The following ACTC1 variants were observed in gnomAD, a reference collection of about 807,000 sequenced individuals.
The protein encoded by ACTC1 is actin alpha cardiac muscle 1.
A neutral mutation model predicts 31.6 loss-of-function variants in ACTC1; 10 were observed. The ratio of observed to expected loss-of-function variants is 0.32; its 90% confidence interval spans 0.19 to 0.54. The LOEUF (loss-of-function observed/expected upper bound fraction) is 0.54. ACTC1 is among the 20% of genes least tolerant of loss of function. ACTC1 has a pLI of 0.95. For synonymous variants in ACTC1, 196 were observed against 185.0 expected, an observed-to-expected ratio of 1.06 and a Z score of -0.48; for missense variants, 129 against 506.4, an observed-to-expected ratio of 0.25 and a Z score of 7.15.
At position 34,791,349 on chromosome 15, in the gene ACTC1, A is replaced by T. The variant is rs899704796; in HGVS notation, c.809-54T>A. On this transcript the variant is annotated intron_variant, in intron 5 of 6. Coordinates refer to ENST00000290378, the MANE Select transcript of ACTC1 (RefSeq NM_005159.5). Reference sequence around the variant, plus strand: ...CACACACACACACACACACACACACACACATCACAGTGCATTCAGGTCAAG... The same window carrying T: ...CACACACACACACACACACACACACTCACATCACAGTGCATTCAGGTCAAG... The T allele has an allele frequency of 1.5e-4, 215 of 1,393,000 alleles. 1 individual carries two copies. The African/African-American group carries it at 2.5e-3, about 16-fold the overall frequency. 86.3% of individuals were successfully genotyped at this position (1,393,000 alleles called of 1,614,324 possible).
At chr15:34,790,765 TA>T in intron 6 of ACTC1, among the ~76,000 whole-genome samples, 1 of 152,358 alleles carries the variant, frequency 6.6e-6, no homozygotes, top group South Asian at 2.1e-4. Flanking sequence ...ATTCTATTAT[TA>T]AAATGGAATT....
chr15:34,794,622 C>T, intron 2 of ACTC1, 58 bp downstream of exon 2: 1 of 1,576,734 alleles, frequency 6.3e-7, no homozygotes, highest in Non-Finnish European at 8.6e-7. Flanking sequence ...GAGCCATTTC[C>T]TAGATCGCTG....
Position 34,793,690 on chromosome 15 carries a change from G to T in ACTC1, c.130-121C>A. On this transcript the variant is annotated intron_variant, in intron 2 of 6. Transcript: ENST00000290378. The surrounding 1 kb of genome is among the most constrained non-coding windows in gnomAD (Gnocchi z 4.8). ...CATATTTAAATACCAGAAATAACAAGCAATACGATTTTACCCCAATTTAGA... is the reference window on the plus strand; with the variant it reads ...CATATTTAAATACCAGAAATAACAATCAATACGATTTTACCCCAATTTAGA... 1 of 947,438 alleles carries T rather than the reference G, an allele frequency of 1.1e-6. No homozygotes were observed. Among genetic ancestry groups the T allele is most frequent in the Non-Finnish European group, 1.6e-6 (1 of 612,232 alleles). 58.7% of individuals were successfully genotyped at this position (947,438 alleles called of 1,614,324 possible). A position where few individuals can be genotyped will look rare whatever the true frequency, so the allele number is the denominator to read the frequency against.
rs1156953978 is a variant in ACTC1, at chr15:34,794,699, A to G, written c.110T>C (p.Val37Ala). 1 of 1,612,614 alleles carries G rather than the reference A, an allele frequency of 6.2e-7. No individual in the cohort carries two copies. Reference protein sequence around the residue: ...DAPRAVFPSIVGRPRHQGVMV... With the variant: ...DAPRAVFPSIAGRPRHQGVMV... Reference sequence around the variant, plus strand: ...GTTTACCTGGTGCCGCGGGCGGCCCACGATGGACGGGAAGACAGCGCGGGG... The same window carrying G: ...GTTTACCTGGTGCCGCGGGCGGCCCGCGATGGACGGGAAGACAGCGCGGGG... The change falls in exon 2 of 7, where the codon GTG becomes GCG. Residue 37 changes from valine to alanine, a missense_variant. By Grantham distance (64) the Val-to-Ala change is moderately conservative. Transcript: ENST00000290378.
Position 34,791,307 on chromosome 15 carries a change from TCACACACACACACACACACACACACACA to T in ACTC1, c.809-40_809-13del. 6.9e-6 allele frequency: 9 copies of T among 1,309,242 alleles called. No homozygotes were observed. Among genetic ancestry groups the T allele is most frequent in the South Asian group, 1.2e-5 (1 of 82,458 alleles). 81.1% of individuals were successfully genotyped at this position (1,309,242 alleles called of 1,614,324 possible). Reference sequence around the variant, plus strand: ...AGCAGATTCCATACCTGGGAACGAGTCACACACACACACACACACACACACACACACACACACACACACACATCACAGT... The same window carrying T: ...AGCAGATTCCATACCTGGGAACGAGTCACACACACACACACACATCACAGT... On this transcript the variant is annotated splice_polypyrimidine_tract_variant and intron_variant, in intron 5 of 6. Transcript: ENST00000290378.
chr15:34,793,603 C>A lies in ACTC1; in HGVS notation c.130-34G>T. ...AGAAAAAATGAGAAAATCATGCTCTCACCATGTCAGGAATATAATCAGTGT... is the reference window on the plus strand; with the variant it reads ...AGAAAAAATGAGAAAATCATGCTCTAACCATGTCAGGAATATAATCAGTGT... On this transcript the variant is annotated intron_variant, in intron 2 of 6. Coordinates refer to ENST00000290378, the MANE Select transcript of ACTC1 (RefSeq NM_005159.5). This position sits in a 1 kb window ranked among gnomAD's most constrained non-coding sequence, Gnocchi z 4.8. 1 of 1,589,096 alleles carries A rather than the reference C, an allele frequency of 6.3e-7. No homozygotes were observed. The highest frequency in any genetic ancestry group is 1.1e-5 in the South Asian group (1 of 90,138).
At position 34,792,628 on chromosome 15, in the gene ACTC1, G is replaced by T. The variant is rs1891728133; in HGVS notation, c.455-59C>A. 2 of 1,594,408 alleles carry T rather than the reference G, an allele frequency of 1.3e-6. No homozygotes were observed. Among genetic ancestry groups the T allele is most frequent in the African/African-American group, 1.3e-5 (1 of 74,464 alleles). On this transcript the variant is annotated intron_variant, in intron 3 of 6. Transcript: ENST00000290378. The surrounding 1 kb of genome is among the most constrained non-coding windows in gnomAD (Gnocchi z 5.3). ...TCCTGAGGACAACACCACTGCTCTAGCCACGGCAAAGCCCGCTTCCAATCT... is the reference window on the plus strand; with the variant it reads ...TCCTGAGGACAACACCACTGCTCTATCCACGGCAAAGCCCGCTTCCAATCT...
In ACTC1 at chr15:34,794,663, C is replaced by T; in HGVS notation, c.129+17G>A. 6.2e-7 allele frequency: 1 copy of T among 1,608,326 alleles called. No homozygotes were observed. Among genetic ancestry groups the T allele is most frequent in the Non-Finnish European group, 8.5e-7 (1 of 1,176,926 alleles). Reference sequence around the variant, plus strand: ...AAGGGGTCCCGAGTGGGACGGGGGGCTCGGCGGGAAGTTTACCTGGTGCCG... The same window carrying T: ...AAGGGGTCCCGAGTGGGACGGGGGGTTCGGCGGGAAGTTTACCTGGTGCCG... On this transcript the variant is annotated intron_variant, in intron 2 of 6. Coordinates refer to ENST00000290378, the MANE Select transcript of ACTC1 (RefSeq NM_005159.5).
At position 34,792,010 on chromosome 15, in the gene ACTC1, T is replaced by G; in HGVS notation, c.808+80A>C. 2.0e-6 allele frequency: 3 copies of G among 1,514,976 alleles called. No homozygotes were observed. Among genetic ancestry groups the G allele is most frequent in the Non-Finnish European group, 2.7e-6 (3 of 1,095,544 alleles). 93.8% of individuals were successfully genotyped at this position (1,514,976 alleles called of 1,614,324 possible). A position where few individuals can be genotyped will look rare whatever the true frequency, so the allele number is the denominator to read the frequency against. ...GACTTCTTTTAACTCAAGGGCTTCT[T>G]GAGCCTTCTAGATTTTACTCTGGGA... On this transcript the variant is annotated intron_variant, in intron 5 of 6. Coordinates refer to ENST00000290378, the MANE Select transcript of ACTC1 (RefSeq NM_005159.5). This position sits in a 1 kb window ranked among gnomAD's most constrained non-coding sequence, Gnocchi z 5.3.
In ACTC1 at chr15:34,792,899, C is replaced by G. The variant is rs79813694; in HGVS notation, c.455-330G>C. 1 of 505,372 alleles carries G rather than the reference C, an allele frequency of 2.0e-6. No individual in the cohort carries two copies. Among genetic ancestry groups the G allele is most frequent in the Non-Finnish European group, 3.6e-6 (1 of 279,144 alleles). 31.3% of individuals were successfully genotyped at this position (505,372 alleles called of 1,614,324 possible). On this transcript the variant is annotated intron_variant, in intron 3 of 6. Coordinates refer to ENST00000290378, the MANE Select transcript of ACTC1 (RefSeq NM_005159.5). The surrounding 1 kb of genome is among the most constrained non-coding windows in gnomAD (Gnocchi z 5.3). ...TCCTATTGAACTTACACGTTTCTCT[C>G]TCTTTTGACTCAGACCCTGTATGGA...
Position 34,791,104 on chromosome 15 carries a change from A to T in ACTC1, c.990+10T>A, listed in dbSNP as rs777680760. On this transcript the variant is annotated intron_variant, in intron 6 of 6. Coordinates refer to ENST00000290378, the MANE Select transcript of ACTC1 (RefSeq NM_005159.5). ...TTGCCTCGGATCTCCCACTCACAAA[A>T]GTTCTTTACCTTAATCTTCATGGTG... is the stretch of plus-strand genomic sequence containing the variant. The T allele has an allele frequency of 6.3e-7, 1 of 1,583,604 alleles. No homozygotes were observed. Among genetic ancestry groups the T allele is most frequent in the Admixed American group, 1.7e-5 (1 of 58,930 alleles).
chr15:34,791,344 C>CACAT, intron 5 of ACTC1, 49 bp from the exon 6 acceptor site: 2 of 1,241,084 alleles, frequency 1.6e-6, no homozygotes, highest in Non-Finnish European at 2.2e-6. Context: ...CACACACACA[C>CACAT]ACACACACAT....
Position 34,790,281 on chromosome 15 carries a change from CACAA to C in ACTC1, c.*127_*130del, listed in dbSNP as rs1160722716. ...TTTATAAAGCAATAAATATTAGAAG[CACAA>C]ACAAATTGCACGTGTGTAAACAAAC... On this transcript the variant is annotated 3_prime_UTR_variant, in exon 7 of 7. Transcript: ENST00000290378. 13 of 1,201,958 alleles carry C rather than the reference CACAA, an allele frequency of 1.1e-5. No homozygotes were observed. The highest frequency in any genetic ancestry group is 3.5e-5 in the Admixed American group (2 of 57,144). 74.5% of individuals were successfully genotyped at this position (1,201,958 alleles called of 1,614,324 possible).
intron 2 of ACTC1, 24 bp downstream of exon 2, chr15:34,794,656 C>A: frequency 6.2e-7 from 1 of 1,607,322 alleles, no homozygotes; most frequent in Non-Finnish European, 8.5e-7. Flanking sequence ...CCGAGTGGGA[C>A]GGGGGGCTCG....
chr15:34,790,663 T>C (rs533668609), intron 6 of ACTC1, 108 bp from the exon 7 acceptor site: 14 of 1,323,328 alleles, frequency 1.1e-5, no homozygotes, highest in South Asian at 8.5e-5. Context: ...ATTAATTCGC[T>C]ATAATGTGGG....
In ACTC1 at chr15:34,791,085, C is replaced by T. The variant is rs531195437; in HGVS notation, c.990+29G>A. The T allele has an allele frequency of 9.6e-6, 15 of 1,564,154 alleles. No homozygotes were observed. The South Asian group carries it at 1.1e-4, about 11-fold the overall frequency. ...CTGCTTAGAATACCAAGACTTGCCT[C>T]GGATCTCCCACTCACAAAAGTTCTT... is the stretch of plus-strand genomic sequence containing the variant. On this transcript the variant is annotated intron_variant, in intron 6 of 6. Transcript: ENST00000290378.
intron 1 of ACTC1, among the ~76,000 whole-genome samples, chr15:34,795,130 C>A (rs954027247): frequency 5.3e-5 from 8 of 152,048 alleles, no homozygotes; most frequent in East Asian, 3.9e-4. Flanking sequence ...TCCTCCCCAG[C>A]CCTTTAACTT....
chr15:34,791,834 T>A (rs1393579324), intron 5 of ACTC1: 7 of 501,560 alleles, frequency 1.4e-5, no homozygotes, highest in African/African-American at 1.4e-4. Context: ...TTCCTGCAGA[T>A]ACGTGCTATT....
chr15:34,791,092 C>T lies in ACTC1; in HGVS notation c.990+22G>A, dbSNP rs780884645. 6 of 1,573,662 alleles carry T rather than the reference C, an allele frequency of 3.8e-6. No individual in the cohort carries two copies. The African/African-American group carries it at 4.0e-5, about 11-fold the overall frequency. On this transcript the variant is annotated intron_variant, in intron 6 of 6. Coordinates refer to ENST00000290378, the MANE Select transcript of ACTC1 (RefSeq NM_005159.5). ...GAATACCAAGACTTGCCTCGGATCT[C>T]CCACTCACAAAAGTTCTTTACCTTA...
Sources: allele counts gnomAD v4.1 joint callset (sites outside exome capture counted in the v4.1 genomes callset), GRCh38; gene constraint gnomAD v4.1.1; non-coding constraint Gnocchi (gnomAD v3.1); transcripts MANE v1.5; gene names NCBI Gene and HGNC (gene_info 2026-07-23, HGNC 2026-07-21).